Variants in ZNF804A observed in about 807,000 individuals in gnomAD.
ZNF804A encodes the protein zinc finger protein 804A.
Under a neutral mutation model 16.5 loss-of-function variants are expected in ZNF804A, and 2 were observed. The observed-to-expected ratio is 0.12, with a 90% CI of 0.05 to 0.38. ZNF804A has a LOEUF of 0.38. Ranked by LOEUF, ZNF804A falls within the 10% of genes least tolerant of loss-of-function variation. The probability of loss-of-function intolerance (pLI) is 0.99; values close to 1 mark genes in which losing one functional copy is unlikely to be tolerated. For synonymous variants in ZNF804A, 534 were observed against 489.6 expected, an observed-to-expected ratio of 1.09 and a Z score of -1.20; for missense variants, 1,473 against 1,390.7, an observed-to-expected ratio of 1.06 and a Z score of -0.94.
Position 184,724,365 on chromosome 2 carries a change from A to T in ZNF804A, c.111+125295A>T, listed in dbSNP as rs903217515. On this transcript the variant is annotated intron_variant, in intron 1 of 3. Coordinates refer to ENST00000302277, the MANE Select transcript of ZNF804A (RefSeq NM_194250.2). ...AGAAAAATGATAGCTGCTATAATTT[A>T]AAAATGTACACGATTTTGAAATCAT... Among the ~76,000 whole-genome samples the T allele has an allele frequency of 4.6e-5, 7 of 151,712 alleles. 1 individual carries two copies. In the South Asian group the frequency reaches 6.2e-4, roughly 13 times the overall value.
chr2:184,720,610 A>T (rs989017823), intron 1 of ZNF804A, among the ~76,000 whole-genome samples: 2 of 152,168 alleles, frequency 1.3e-5, no homozygotes, highest in Non-Finnish European at 2.9e-5. Flanking sequence ...ATTAAAGAAG[A>T]CAAAAACAAA....
At chr2:184,692,159 G>C (rs1161720081) in intron 1 of ZNF804A, among the ~76,000 whole-genome samples, 1 of 152,120 alleles carries the variant, frequency 6.6e-6, no homozygotes, top group African/African-American at 2.4e-5. Context: ...ATATTAACTA[G>C]TGTGTGTGAG....
At chr2:184,887,190 G>A (rs555695966) in intron 2 of ZNF804A, among the ~76,000 whole-genome samples, 2 of 152,162 alleles carry the variant, frequency 1.3e-5, no homozygotes, top group African/African-American at 2.4e-5. Context: ...CAGGGCAGGG[G>A]CAAAATGCCA....
intron 1 of ZNF804A, among the ~76,000 whole-genome samples, chr2:184,728,885 G>T (rs1383307): frequency 1.3e-5 from 2 of 151,506 alleles, no homozygotes; most frequent in Non-Finnish European, 3.0e-5. Context: ...GGTCTTATTC[G>T]CAACAACATG....
intron 2 of ZNF804A, among the ~76,000 whole-genome samples, chr2:184,882,328 AAG>A (rs1489804613): frequency 6.6e-6 from 1 of 152,104 alleles, no homozygotes; most frequent in Non-Finnish European, 1.5e-5. Context: ...CTTATGAAGA[AAG>A]AGACTTCAAT....
intron 1 of ZNF804A, among the ~76,000 whole-genome samples, chr2:184,683,282 G>T (rs1692571835): frequency 6.6e-6 from 1 of 151,792 alleles, no homozygotes. Flanking sequence ...GTTGTATGGG[G>T]GATATACACT....
chr2:184,870,679 T>C (rs931672351), intron 2 of ZNF804A, among the ~76,000 whole-genome samples: 1 of 152,042 alleles, frequency 6.6e-6, no homozygotes, highest in Non-Finnish European at 1.5e-5. Flanking sequence ...AAAAGGCTAG[T>C]GTCAAAATTC....
At chr2:184,639,365 C>T (rs777044705) in intron 1 of ZNF804A, among the ~76,000 whole-genome samples, 25 of 151,952 alleles carry the variant, frequency 1.6e-4, no homozygotes, top group African/African-American at 4.6e-4. Context: ...TCAGCCACCG[C>T]GCCTGGCCTA....
At chr2:184,700,298 G>T (rs1005534670) in intron 1 of ZNF804A, among the ~76,000 whole-genome samples, 2 of 152,010 alleles carry the variant, frequency 1.3e-5, no homozygotes, top group African/African-American at 4.8e-5. Flanking sequence ...AAATAGATTG[G>T]TGGGACATCC....
intron 2 of ZNF804A, among the ~76,000 whole-genome samples, chr2:184,892,089 CCTTA>C (rs1281309703): frequency 1.3e-5 from 2 of 152,116 alleles, no homozygotes; most frequent in Non-Finnish European, 2.9e-5. Context: ...CAGGAACTTG[CCTTA>C]CTTCTCTTCA....
chr2:184,662,479 A>G (rs1312425433), intron 1 of ZNF804A, among the ~76,000 whole-genome samples: 3 of 152,202 alleles, frequency 2.0e-5, no homozygotes, highest in Non-Finnish European at 4.4e-5. Context: ...CTACTTGGCT[A>G]TTTGAGAAAC....
chr2:184,761,505 C>G (rs996974630), intron 1 of ZNF804A, among the ~76,000 whole-genome samples: 1 of 151,934 alleles, frequency 6.6e-6, no homozygotes, highest in East Asian at 1.9e-4. Context: ...AAGGCAATAG[C>G]GGGAATATAA....
intron 1 of ZNF804A, among the ~76,000 whole-genome samples, chr2:184,723,627 G>T (rs1480865754): frequency 6.6e-6 from 1 of 151,660 alleles, no homozygotes; most frequent in Non-Finnish European, 1.5e-5. Flanking sequence ...TTACTTTAAT[G>T]AAAACATTTT....
At chr2:184,890,328 T>TTGC (rs1425219611) in intron 2 of ZNF804A, among the ~76,000 whole-genome samples, 1 of 152,156 alleles carries the variant, frequency 6.6e-6, no homozygotes, top group Non-Finnish European at 1.5e-5. Context: ...ACCACAGACA[T>TTGC]TGCTGTGGGC....
chr2:184,882,943 G>C (rs1684831222), intron 2 of ZNF804A, among the ~76,000 whole-genome samples: 1 of 151,860 alleles, frequency 6.6e-6, no homozygotes, highest in Non-Finnish European at 1.5e-5. Flanking sequence ...ATCAGAGCTG[G>C]ATTGAAAGAA....
At chr2:184,888,518 T>C (rs1183156862) in intron 2 of ZNF804A, among the ~76,000 whole-genome samples, 2 of 152,006 alleles carry the variant, frequency 1.3e-5, no homozygotes, top group African/African-American at 2.4e-5. Flanking sequence ...TCTCTGTTGG[T>C]ATGTATTCTA....
chr2:184,640,242 A>AGAG (rs1310971722), intron 1 of ZNF804A, among the ~76,000 whole-genome samples: 2 of 151,302 alleles, frequency 1.3e-5, no homozygotes, highest in Admixed American at 6.6e-5. Context: ...AGGAGGAGGA[A>AGAG]GAGGAGGAGG....
chr2:184,938,921 C>T lies in ZNF804A; in HGVS notation c.3525C>T (p.Ser1175=), dbSNP rs967063703. Residue 1175 remains serine (S), a synonymous_variant, in exon 4 of 4, where the codon TCC becomes TCT. Transcript: ENST00000302277. The part of the protein sequence containing the change: ...APPQMPIIPA[S]VLHPSHLAFP... The stretch of plus-strand genomic sequence containing the variant: ...CTCAGATGCCAATCATTCCAGCTTC[C>T]GTTCTTCATCCTAGCCATCTGGCTT... 5 of 1,613,874 alleles carry T rather than the reference C, an allele frequency of 3.1e-6. No individual in the cohort carries two copies. Among genetic ancestry groups the T allele is most frequent in the Admixed American group, 1.7e-5 (1 of 59,980 alleles).
At chr2:184,764,076 T>G (rs986474918) in intron 1 of ZNF804A, among the ~76,000 whole-genome samples, 13 of 152,258 alleles carry the variant, frequency 8.5e-5, no homozygotes, top group Non-Finnish European at 1.8e-4. Context: ...TTTCAATTAT[T>G]TTTTTAAAGG....
Sources: gnomAD v4.1 joint callset for allele counts (sites outside exome capture counted in the v4.1 genomes callset) on GRCh38, gnomAD v4.1.1 for gene constraint, MANE v1.5 for transcripts, NCBI Gene and HGNC (gene_info 2026-07-23, HGNC 2026-07-21) for gene names.